The following PRKN variants were observed in gnomAD, a reference collection of about 807,000 sequenced individuals.
The protein encoded by PRKN is parkin RBR E3 ubiquitin protein ligase.
PRKN carries 56 observed loss-of-function variants against 59.5 expected under a neutral mutation model. The observed-to-expected ratio is 0.94, with a 90% CI of 0.76 to 1.18. The LOEUF (loss-of-function observed/expected upper bound fraction) is 1.18. Among genes scored for constraint, PRKN ranks in the 50% most tolerant of loss-of-function variants. The pLI is 0.00. For synonymous variants in PRKN, 250 were observed against 222.1 expected, an observed-to-expected ratio of 1.13 and a Z score of -1.12; for missense variants, 657 against 596.4, an observed-to-expected ratio of 1.10 and a Z score of -1.06.
At chr6:162,332,237 A>G (rs779794477) in intron 2 of PRKN, among the ~76,000 whole-genome samples, 1 of 152,202 alleles carries the variant, frequency 6.6e-6, no homozygotes, top group Admixed American at 6.5e-5. Context: ...CTGGAAGACA[A>G]CTCTGAGACT....
intron 2 of PRKN, among the ~76,000 whole-genome samples, chr6:162,290,345 C>G (rs1014812408): frequency 6.6e-6 from 1 of 152,126 alleles, no homozygotes; most frequent in African/African-American, 2.4e-5. Context: ...AGTCATTTTT[C>G]CACTCTTGAG....
At chr6:162,363,280 C>A (rs1013951738) in intron 2 of PRKN, among the ~76,000 whole-genome samples, 6 of 152,106 alleles carry the variant, frequency 3.9e-5, no homozygotes, top group Admixed American at 3.3e-4. Flanking sequence ...TTGTCCAAAG[C>A]CCCTCTTTGA....
chr6:162,124,840 C>A (rs9347591), intron 4 of PRKN, among the ~76,000 whole-genome samples: 68,868 of 151,884 alleles, frequency 0.45, 17,175 homozygotes, highest in African/African-American at 0.67. Flanking sequence ...ATCCATGTTT[C>A]GGGTGCTGAG....
Position 162,056,403 on chromosome 6 carries a change from A to C in PRKN, c.535-2229T>G, listed in dbSNP as rs1777869538. ...CATGCATGCACACACGCACTATTCT[A>C]GAGAAAAGTCGGGGACGCAGAGCAG... On this transcript the variant is annotated intron_variant, in intron 4 of 11. Transcript: ENST00000366898. This position sits in a 1 kb window ranked among gnomAD's most constrained non-coding sequence, Gnocchi z 4.9. Among the ~76,000 whole-genome samples the C allele has an allele frequency of 6.6e-6, 1 of 152,100 alleles. No homozygotes were observed. Among genetic ancestry groups the C allele is most frequent in the African/African-American group, 2.4e-5 (1 of 41,420 alleles).
intron 7 of PRKN, among the ~76,000 whole-genome samples, chr6:161,691,249 C>T (rs1785781478): frequency 6.6e-6 from 1 of 152,212 alleles, no homozygotes; most frequent in African/African-American, 2.4e-5. Flanking sequence ...CAACCCTAAC[C>T]TCTCACTTCC....
In PRKN at chr6:161,581,592, A is replaced by C. The variant is rs77534802; in HGVS notation, c.872-12176T>G. 6.5e-3 allele frequency among the ~76,000 whole-genome samples: 983 copies of C among 152,336 alleles called. 28 individuals carry two copies. The East Asian group carries it at 0.08, about 12-fold the overall frequency. ...GACAATCAGAAGCAAAGACTTACTT[A>C]TGGACAAGGTGAAGGGCGTTGGGCC... On this transcript the variant is annotated intron_variant, in intron 7 of 11. Transcript: ENST00000366898. The surrounding 1 kb of genome is among the most constrained non-coding windows in gnomAD (Gnocchi z 4.5).
Position 161,518,836 on chromosome 6 carries a change from A to G in PRKN, c.1083+30018T>C, listed in dbSNP as rs1349393111. Among the ~76,000 whole-genome samples, 1 of 152,126 alleles carries G rather than the reference A, an allele frequency of 6.6e-6. No individual in the cohort carries two copies. The highest frequency in any genetic ancestry group is 1.5e-5 in the Non-Finnish European group (1 of 68,030). ...CACCTGGTGAACACTGACTGAATTG[A>G]GTCAAATAGAAAGCAGCTCTCACTC... On this transcript the variant is annotated intron_variant, in intron 9 of 11. Coordinates refer to ENST00000366898, the MANE Select transcript of PRKN (RefSeq NM_004562.3). The surrounding 1 kb of genome is among the most constrained non-coding windows in gnomAD (Gnocchi z 5.0).
In PRKN at chr6:161,361,989, C is replaced by A. The variant is rs966085125; in HGVS notation, c.1168-1784G>T. Among the ~76,000 whole-genome samples the A allele has an allele frequency of 6.6e-6, 1 of 152,144 alleles. No individual in the cohort carries two copies. Among genetic ancestry groups the A allele is most frequent in the Admixed American group, 6.6e-5 (1 of 15,266 alleles). On this transcript the variant is annotated intron_variant, in intron 10 of 11. Transcript: ENST00000366898. This position sits in a 1 kb window ranked among gnomAD's most constrained non-coding sequence, Gnocchi z 5.2. ...CCCATCCCCCCACCGACCTGCACCC[C>A]AACGCCACCCCGGCCTCATGTTCCA...
At position 161,578,230 on chromosome 6, in the gene PRKN, T is replaced by C. The variant is rs1007892980; in HGVS notation, c.872-8814A>G. Reference sequence around the variant, plus strand: ...GCAGCTGCTTGGCTGCAGATGAGAATTGAAAGCACCTGCATACACACAGCC... The same window carrying C: ...GCAGCTGCTTGGCTGCAGATGAGAACTGAAAGCACCTGCATACACACAGCC... On this transcript the variant is annotated intron_variant, in intron 7 of 11. Transcript: ENST00000366898. The surrounding 1 kb of genome is among the most constrained non-coding windows in gnomAD (Gnocchi z 4.2). Among the ~76,000 whole-genome samples the C allele has an allele frequency of 6.6e-6, 1 of 152,074 alleles. No homozygotes were observed. The highest frequency in any genetic ancestry group is 1.5e-5 in the Non-Finnish European group (1 of 68,018).
chr6:161,466,464 A>C lies in PRKN; in HGVS notation c.1084-79587T>G, dbSNP rs1429491042. Reference sequence around the variant, plus strand: ...TAGTTTTATCATTTCTCCTCCAGTCAACTAGTTTCTATTTTTGCACTCATC... The same window carrying C: ...TAGTTTTATCATTTCTCCTCCAGTCCACTAGTTTCTATTTTTGCACTCATC... On this transcript the variant is annotated intron_variant, in intron 9 of 11. Coordinates refer to ENST00000366898, the MANE Select transcript of PRKN (RefSeq NM_004562.3). The surrounding 1 kb of genome is among the most constrained non-coding windows in gnomAD (Gnocchi z 5.0). 1.3e-5 allele frequency among the ~76,000 whole-genome samples: 2 copies of C among 152,130 alleles called. No individual in the cohort carries two copies. Among genetic ancestry groups the C allele is most frequent in the Non-Finnish European group, 2.9e-5 (2 of 68,032 alleles).
Position 161,448,847 on chromosome 6 carries a change from G to A in PRKN, c.1084-61970C>T, listed in dbSNP as rs921597146. Among the ~76,000 whole-genome samples the A allele has an allele frequency of 3.3e-5, 5 of 152,158 alleles. No individual in the cohort carries two copies. Among genetic ancestry groups the A allele is most frequent in the African/African-American group, 1.2e-4 (5 of 41,422 alleles). On this transcript the variant is annotated intron_variant, in intron 9 of 11. Coordinates refer to ENST00000366898, the MANE Select transcript of PRKN (RefSeq NM_004562.3). This position sits in a 1 kb window ranked among gnomAD's most constrained non-coding sequence, Gnocchi z 5.1. ...AGTCCAAGTTAACCTTCCCAAATGA[G>A]TGGCACTATTATTTTAAAATAAAAG...
At position 162,355,411 on chromosome 6, in the gene PRKN, A is replaced by ATCTATCTATCTATCTATCTATC. The variant is rs1562696425; in HGVS notation, c.171+87898_171+87899insGATAGATAGATAGATAGATAGA. On this transcript the variant is annotated intron_variant, in intron 2 of 11. Coordinates refer to ENST00000366898, the MANE Select transcript of PRKN (RefSeq NM_004562.3). Reference sequence around the variant, plus strand: ...GTAATCTATCTATCTATCTATCTATATATATATAACAATTTAGTTTTTCAT... The same window carrying ATCTATCTATCTATCTATCTATC: ...GTAATCTATCTATCTATCTATCTATATCTATCTATCTATCTATCTATCTATATATAACAATTTAGTTTTTCAT... 3.5e-4 allele frequency among the ~76,000 whole-genome samples: 50 copies of ATCTATCTATCTATCTATCTATC among 144,042 alleles called. 1 individual carries two copies. Among genetic ancestry groups the ATCTATCTATCTATCTATCTATC allele is most frequent in the African/African-American group, 1.3e-3 (46 of 34,094 alleles). 94.5% of individuals were successfully genotyped at this position (144,042 alleles called of 152,430 possible).
At chr6:162,201,617 T>C (rs560133216) in intron 3 of PRKN, among the ~76,000 whole-genome samples, 2 of 152,304 alleles carry the variant, frequency 1.3e-5, no homozygotes, top group African/African-American at 2.4e-5. Context: ...CTGAATTCTA[T>C]CTCGTGCTTC....
Position 161,550,988 on chromosome 6 carries a change from C to T in PRKN, c.934-1985G>A, listed in dbSNP as rs912727468. Among the ~76,000 whole-genome samples, 4 of 152,078 alleles carry T rather than the reference C, an allele frequency of 2.6e-5. No homozygotes were observed. The highest frequency in any genetic ancestry group is 1.9e-4 in the East Asian group (1 of 5,176). ...AGAAAGAAAAAGATGACCTGGCCTC[C>T]TTGTAAACGTGTGAATGGCATACAC... is the stretch of plus-strand genomic sequence containing the variant. On this transcript the variant is annotated intron_variant, in intron 8 of 11. Transcript: ENST00000366898. This position sits in a 1 kb window ranked among gnomAD's most constrained non-coding sequence, Gnocchi z 4.0.
At chr6:161,874,194 A>T (rs1187913918) in intron 6 of PRKN, among the ~76,000 whole-genome samples, 4 of 52,660 alleles carry the variant, frequency 7.6e-5, no homozygotes, top group Non-Finnish European at 9.4e-5. Flanking sequence ...TATAATATAT[A>T]ATATATATTA....
intron 9 of PRKN, among the ~76,000 whole-genome samples, chr6:161,449,493 T>A (rs1339418647): frequency 6.6e-6 from 1 of 152,198 alleles, no homozygotes; most frequent in Non-Finnish European, 1.5e-5. Context: ...GGCCGTAATA[T>A]GTGAAATGTC....
chr6:162,300,276 A>T (rs74889552), intron 2 of PRKN, among the ~76,000 whole-genome samples: 8,839 of 151,474 alleles, frequency 0.058, 339 homozygotes, highest in Middle Eastern at 0.14. Context: ...AAAAAAAAAA[A>T]CACATTCTAT....
At chr6:162,183,490 T>G (rs1783888289) in intron 4 of PRKN, among the ~76,000 whole-genome samples, 1 of 152,170 alleles carries the variant, frequency 6.6e-6, no homozygotes, top group Admixed American at 6.5e-5. Context: ...TTTCTCTGTG[T>G]AAGAAAGTCA....
At position 161,589,546 on chromosome 6, in the gene PRKN, A is replaced by C. The variant is rs577665949; in HGVS notation, c.872-20130T>G. 1.4e-4 allele frequency among the ~76,000 whole-genome samples: 22 copies of C among 152,208 alleles called. No individual in the cohort carries two copies. The South Asian group carries it at 4.4e-3, about 30-fold the overall frequency. On this transcript the variant is annotated intron_variant, in intron 7 of 11. Coordinates refer to ENST00000366898, the MANE Select transcript of PRKN (RefSeq NM_004562.3). ...TCTTCAGGTAGATAACTCGTGGTCA[A>C]AGTTTTCAAAAGTTTCGACATGTAA... is the stretch of plus-strand genomic sequence containing the variant.
Sources: allele counts gnomAD v4.1 joint callset (sites outside exome capture counted in the v4.1 genomes callset), GRCh38; gene constraint gnomAD v4.1.1; non-coding constraint Gnocchi (gnomAD v3.1); transcripts MANE v1.5; gene names NCBI Gene and HGNC (gene_info 2026-07-23, HGNC 2026-07-21).